PCDHGB6: variants seen among roughly 807,000 people sequenced by gnomAD.
PCDHGB6 encodes the protein protocadherin gamma-B6.
Under a neutral mutation model 59.1 loss-of-function variants are expected in PCDHGB6, and 51 were observed. The ratio of observed to expected loss-of-function variants is 0.86; its 90% CI spans 0.69 to 1.09. The LOEUF is 1.09. PCDHGB6 is among the 50% of genes least tolerant of loss of function. The pLI is 0.00. For synonymous variants in PCDHGB6, 466 were observed against 495.1 expected (o/e 0.94, Z 0.78); for missense variants, 1,148 against 1,205.1 (o/e 0.95, Z 0.70).
intron 2 of PCDHGB6, among the ~76,000 whole-genome samples, chr5:141,503,081 C>G (rs1354848667): frequency 6.6e-6 from 1 of 151,960 alleles, no homozygotes; most frequent in Non-Finnish European, 1.5e-5. Flanking sequence ...TCTCGATCTC[C>G]TGACCTCGTG....
rs1330784633 is a variant in PCDHGB6 at position 141,476,330 on chromosome 5, G to A, written c.2419-18477G>A. On this transcript the variant is annotated intron_variant, in intron 1 of 3. Transcript: ENST00000520790. This position sits in a 1 kb window ranked among gnomAD's most constrained non-coding sequence, Gnocchi z 7.6. ...CCGCAGGTTCCGGGTGGTGTCTGGA[G>A]CTAGCCGAAGATTCTTTGAGGTGAA... The A allele has an allele frequency of 1.2e-6, 2 of 1,614,092 alleles. No homozygotes were observed. The highest frequency in any genetic ancestry group is 1.6e-4 in the Middle Eastern group (1 of 6,084).
At chr5:141,469,929 G>C (rs1208858245) in intron 1 of PCDHGB6, among the ~76,000 whole-genome samples, 1 of 152,168 alleles carries the variant, frequency 6.6e-6, no homozygotes, top group Non-Finnish European at 1.5e-5. Context: ...TCAGGAGTTT[G>C]AGACCAGCCT....
intron 1 of PCDHGB6, chr5:141,426,946 C>A (rs565370434): frequency 2.2e-6 from 1 of 456,786 alleles, no homozygotes; most frequent in South Asian, 1.5e-5. Flanking sequence ...CCAGTCCCAA[C>A]TGGCACTGCT....
chr5:141,410,665 G>A, intron 1 of PCDHGB6, 45 bp downstream of exon 1: 1 of 1,569,394 alleles, frequency 6.4e-7, no homozygotes, highest in Non-Finnish European at 8.6e-7. Context: ...TAGTCTACTA[G>A]TTTCTCATAT....
chr5:141,427,960 G>T (rs759698390), intron 1 of PCDHGB6: 2 of 1,589,168 alleles, frequency 1.3e-6, no homozygotes, highest in Non-Finnish European at 1.7e-6. Context: ...AATGTGCCGC[G>T]GGTGCTGTAC....
Position 141,489,214 on chromosome 5 carries a change from T to TA in PCDHGB6, c.2419-5592dup, listed in dbSNP as rs771766565. On this transcript the variant is annotated intron_variant, in intron 1 of 3. Transcript: ENST00000520790. This position sits in a 1 kb window ranked among gnomAD's most constrained non-coding sequence, Gnocchi z 4.5. ...CCTTGGAGACAGGACAGCACAGACTTACTCTCCACAAAGGGACTTCTGGGT... is the reference window on the plus strand; with the variant it reads ...CCTTGGAGACAGGACAGCACAGACTTAACTCTCCACAAAGGGACTTCTGGGT... 216 of 1,480,534 alleles carry TA rather than the reference T, an allele frequency of 1.5e-4. 4 individuals are homozygous for TA. The South Asian group carries it at 2.1e-3, about 14-fold the overall frequency. 91.7% of individuals were successfully genotyped at this position (1,480,534 alleles called of 1,614,324 possible).
chr5:141,505,468 G>A lies in PCDHGB6; in HGVS notation c.2553G>A (p.Leu851=). 1 of 1,614,212 alleles carries A rather than the reference G, an allele frequency of 6.2e-7. No homozygotes were observed. Among genetic ancestry groups the A allele is most frequent in the Non-Finnish European group, 8.5e-7 (1 of 1,180,020 alleles). The change falls in exon 3 of 4, where the codon TTG becomes TTA. Residue 851 remains leucine (L), a synonymous_variant. Coordinates refer to ENST00000520790, the MANE Select transcript of PCDHGB6 (RefSeq NM_018926.3). The stretch of plus-strand genomic sequence containing the variant: ...CAGAGATGCTGCAAGCCATGATCTT[G>A]GCGTCCGCCAGTGGTAAGTGGTGTC... The part of the protein sequence containing the change: ...FDTEMLQAMI[L]ASASEAADGS...
At position 141,491,151 on chromosome 5, in the gene PCDHGB6, T is replaced by C. The variant is rs1283775894; in HGVS notation, c.2419-3656T>C. The C allele has an allele frequency of 6.2e-7, 1 of 1,614,150 alleles. No individual in the cohort carries two copies. On this transcript the variant is annotated intron_variant, in intron 1 of 3. Transcript: ENST00000520790. The surrounding 1 kb of genome is among the most constrained non-coding windows in gnomAD (Gnocchi z 6.9). ...GCACAGCCCGGGCCTTACTGGAGGA[T>C]GACTCTGACACCCAGCAGGTGGTGG...
chr5:141,435,922 G>A (rs1312886163), intron 1 of PCDHGB6, among the ~76,000 whole-genome samples: 1 of 152,070 alleles, frequency 6.6e-6, no homozygotes, highest in Non-Finnish European at 1.5e-5. Context: ...TCTAAAATGC[G>A]GCAGTTGCTG....
chr5:141,410,414 G>A lies in PCDHGB6; in HGVS notation c.2212G>A (p.Val738Ile), dbSNP rs201698858. The change falls in exon 1 of 4, where the codon GTA becomes ATA. Residue 738 changes from valine (V) to isoleucine (I), a missense_variant. Val to Ile is a conservative substitution (Grantham distance 29, BLOSUM62 3). Coordinates refer to ENST00000520790, the MANE Select transcript of PCDHGB6 (RefSeq NM_018926.3). ...TGGTCTCTGTGTCAAGTCTGGACCT[G>A]TAGTTCCCCCCAACTACAGTGAGGG... Reference protein sequence around the residue: ...HPGLCVKSGPVVPPNYSEGTL... With the variant: ...HPGLCVKSGPIVPPNYSEGTL... 2.0e-4 allele frequency: 326 copies of A among 1,613,916 alleles called. 1 individual carries two copies. The highest frequency in any genetic ancestry group is 2.7e-4 in the Non-Finnish European group (315 of 1,179,910).
At chr5:141,419,781 G>A in intron 1 of PCDHGB6, 1 of 1,614,032 alleles carries the variant, frequency 6.2e-7, no homozygotes, top group Non-Finnish European at 8.5e-7. Flanking sequence ...GTCCGCCAGC[G>A]CCTGCTAGTC....
At position 141,511,313 on chromosome 5, in the gene PCDHGB6, CAGAA is replaced by C; in HGVS notation, c.*142_*145del. The C allele has an allele frequency of 2.0e-6, 3 of 1,482,944 alleles. No homozygotes were observed. In the South Asian group the frequency reaches 4.1e-5, roughly 20 times the overall value. 91.9% of individuals were successfully genotyped at this position (1,482,944 alleles called of 1,614,324 possible). ...CCAAGGCCATGCTCCCCTTGGGAAA[CAGAA>C]ACAAGTGCCCAGTCAGCACCTACCC... On this transcript the variant is annotated 3_prime_UTR_variant, in exon 4 of 4. Transcript: ENST00000520790.
In PCDHGB6 at chr5:141,476,651, T is replaced by C. The variant is rs1355056895; in HGVS notation, c.2419-18156T>C. On this transcript the variant is annotated intron_variant, in intron 1 of 3. Coordinates refer to ENST00000520790, the MANE Select transcript of PCDHGB6 (RefSeq NM_018926.3). This position sits in a 1 kb window ranked among gnomAD's most constrained non-coding sequence, Gnocchi z 7.6. ...AACCTATGAGCTGAGCCGAAATGAA[T>C]ACTTTGCGCTTCGCGTGCAGACGCG... is the stretch of plus-strand genomic sequence containing the variant. The C allele has an allele frequency of 3.7e-6, 6 of 1,614,118 alleles. No individual in the cohort carries two copies. Among genetic ancestry groups the C allele is most frequent in the Non-Finnish European group, 5.1e-6 (6 of 1,180,050 alleles).
chr5:141,461,830 CT>C (rs1030113508), intron 1 of PCDHGB6, among the ~76,000 whole-genome samples: 30 of 145,198 alleles, frequency 2.1e-4, no homozygotes, highest in Non-Finnish European at 2.4e-4. Flanking sequence ...ATTTTTTTTT[CT>C]TTTTTTTTTG....
intron 2 of PCDHGB6, among the ~76,000 whole-genome samples, chr5:141,496,334 G>T (rs959266723): frequency 2.6e-5 from 4 of 152,240 alleles, no homozygotes; most frequent in Admixed American, 6.5e-5. Context: ...GAAGTCAGGA[G>T]CCTGGAGGAG....
Position 141,490,710 on chromosome 5 carries a change from C to G in PCDHGB6, c.2419-4097C>G, listed in dbSNP as rs1158575765. On this transcript the variant is annotated intron_variant, in intron 1 of 3. Coordinates refer to ENST00000520790, the MANE Select transcript of PCDHGB6 (RefSeq NM_018926.3). The surrounding 1 kb of genome is among the most constrained non-coding windows in gnomAD (Gnocchi z 5.4). ...ACACTGGGGATAATGCCCGCCTCAC[C>G]TACTCCATTGTAGGAAATCAGGTTC... 6.2e-7 allele frequency: 1 copy of G among 1,614,208 alleles called. No homozygotes were observed. The highest frequency in any genetic ancestry group is 8.5e-7 in the Non-Finnish European group (1 of 1,180,030).
At chr5:141,427,515 G>A (rs753526003) in intron 1 of PCDHGB6, 16 of 596,944 alleles carry the variant, frequency 2.7e-5, no homozygotes, top group African/African-American at 2.2e-4. Context: ...CCTGGATTGG[G>A]AGCGGATCCC....
rs953428261 is a variant in PCDHGB6, at chr5:141,430,262, T to C, written c.2418+19642T>C. On this transcript the variant is annotated intron_variant, in intron 1 of 3. Coordinates refer to ENST00000520790, the MANE Select transcript of PCDHGB6 (RefSeq NM_018926.3). ...AACTCCTAGGGAGACATCTCCATAA[T>C]AGGTGTGTTGGGGGAACAGTAATCT... Among the ~76,000 whole-genome samples the C allele has an allele frequency of 2.6e-5, 4 of 151,892 alleles. No homozygotes were observed. The East Asian group carries it at 5.8e-4, about 22-fold the overall frequency.
Position 141,476,838 on chromosome 5 carries a change from C to T in PCDHGB6, c.2419-17969C>T, listed in dbSNP as rs1347278637. 2.5e-6 allele frequency: 4 copies of T among 1,613,496 alleles called. No individual in the cohort carries two copies. Among genetic ancestry groups the T allele is most frequent in the Non-Finnish European group, 3.4e-6 (4 of 1,180,054 alleles). ...AAGGTGCTGGACGCGAATGACAATG[C>T]GCCTGTCTTCAACCAGTCCTTGTAC... On this transcript the variant is annotated intron_variant, in intron 1 of 3. Transcript: ENST00000520790. This position sits in a 1 kb window ranked among gnomAD's most constrained non-coding sequence, Gnocchi z 7.6.
Sources: gnomAD v4.1 joint callset for allele counts (sites outside exome capture counted in the v4.1 genomes callset) on GRCh38, gnomAD v4.1.1 for gene constraint, Gnocchi (gnomAD v3.1) non-coding constraint, MANE v1.5 for transcripts, NCBI Gene and HGNC (gene_info 2026-07-23, HGNC 2026-07-21) for gene names.